Variants in EPS15 observed in about 807,000 individuals in gnomAD.
The protein encoded by EPS15 is epidermal growth factor receptor substrate 15.
A neutral mutation model predicts 113.8 loss-of-function variants in EPS15; 72 were observed. The observed-to-expected ratio is 0.63, with a 90% CI of 0.52 to 0.77. The LOEUF is 0.77. EPS15 is among the 30% of genes least tolerant of loss of function. EPS15 has a pLI of 0.00. For synonymous variants in EPS15, 344 were observed against 363.4 expected, an observed-to-expected ratio of 0.95 and a Z score of 0.61; for missense variants, 1,048 against 1,045.8, an observed-to-expected ratio of 1.00 and a Z score of -0.03.
intron 1 of EPS15, among the ~76,000 whole-genome samples, chr1:51,492,198 A>C (rs940020351): frequency 3.3e-5 from 5 of 152,084 alleles, no homozygotes; most frequent in African/African-American, 1.2e-4. Context: ...TAGGTACAAG[A>C]CAATAGGTTA....
Position 51,466,863 on chromosome 1 carries a change from CT to C in EPS15, c.310-1538del, listed in dbSNP as rs375473199. On this transcript the variant is annotated intron_variant, in intron 5 of 24. Coordinates refer to ENST00000371733, the MANE Select transcript of EPS15 (RefSeq NM_001981.3). ...TTGGCAACATAGCAAGATTCTGTCT[CT>C]TCAAAAAAAATAAGACAAATGACAA... is the stretch of plus-strand genomic sequence containing the variant. 9.7e-4 allele frequency among the ~76,000 whole-genome samples: 147 copies of C among 151,842 alleles called. 5 individuals carry two copies. In the South Asian group the frequency reaches 0.03, roughly 31 times the overall value.
At chr1:51,508,266 G>GAGAAAGAAAGAGAGAA (rs1553139491) in intron 1 of EPS15, among the ~76,000 whole-genome samples, 2 of 129,022 alleles carry the variant, frequency 1.6e-5, no homozygotes, top group African/African-American at 6.6e-5. Context: ...GAGAGAGAGA[G>GAGAAAGAAAGAGAGAA]AGAGAGAAAG....
chr1:51,417,704 T>C (rs760710488), intron 13 of EPS15, among the ~76,000 whole-genome samples: 1 of 152,202 alleles, frequency 6.6e-6, no homozygotes, highest in Non-Finnish European at 1.5e-5. Context: ...CGGTGGGATA[T>C]GAGCTAGGCT....
chr1:51,362,405 T>C (rs1306737014), intron 23 of EPS15, among the ~76,000 whole-genome samples: 2 of 152,188 alleles, frequency 1.3e-5, no homozygotes, highest in African/African-American at 4.8e-5. Context: ...TCCTTAATCT[T>C]TTTACAATGA....
At chr1:51,369,359 G>C (rs772751403) in intron 21 of EPS15, among the ~76,000 whole-genome samples, 2 of 152,164 alleles carry the variant, frequency 1.3e-5, no homozygotes, top group East Asian at 1.9e-4. Context: ...CAGATCACGC[G>C]TAAGATACCT....
chr1:51,372,620 T>A, intron 21 of EPS15: 2 of 488,910 alleles, frequency 4.1e-6, no homozygotes, highest in Non-Finnish European at 8.1e-6. Flanking sequence ...TAACTCAGTA[T>A]TGGTATTACT....
At position 51,463,637 on chromosome 1, in the gene EPS15, C is replaced by T. The variant is rs1262226685; in HGVS notation, c.501+36G>A. 3.8e-6 allele frequency: 5 copies of T among 1,305,442 alleles called. No individual in the cohort carries two copies. In the African/African-American group the frequency reaches 5.9e-5, roughly 15 times the overall value. The allele number at this position is 1,305,442 out of a possible 1,614,324, so 80.9% of individuals were successfully genotyped here. On this transcript the variant is annotated intron_variant, in intron 7 of 24. Transcript: ENST00000371733. ...GCATAATAGATATAAAATTAAAATA[C>T]ATAAAAATTACATTTCGGAGTAAAT...
intron 13 of EPS15, among the ~76,000 whole-genome samples, chr1:51,415,223 G>A (rs900361386): frequency 6.6e-6 from 1 of 152,088 alleles, no homozygotes; most frequent in Non-Finnish European, 1.5e-5. Context: ...TATGTAAGAG[G>A]AAGACAAATA....
At chr1:51,509,443 T>C (rs912217385) in intron 1 of EPS15, among the ~76,000 whole-genome samples, 3 of 152,108 alleles carry the variant, frequency 2.0e-5, no homozygotes, top group Non-Finnish European at 2.9e-5. Context: ...GAGCCCAAGA[T>C]CTCTCTCATT....
At chr1:51,509,927 AAT>A (rs1335002804) in intron 1 of EPS15, among the ~76,000 whole-genome samples, 1 of 152,218 alleles carries the variant, frequency 6.6e-6, no homozygotes, top group Non-Finnish European at 1.5e-5. Flanking sequence ...TCATTCAATC[AAT>A]ATCCGAGTTG....
intron 13 of EPS15, among the ~76,000 whole-genome samples, chr1:51,410,779 G>A (rs1465162971): frequency 6.6e-6 from 1 of 152,190 alleles, no homozygotes; most frequent in Non-Finnish European, 1.5e-5. Context: ...GAAACTTACA[G>A]GTAAAAGGTC....
intron 1 of EPS15, among the ~76,000 whole-genome samples, chr1:51,512,971 G>C (rs575484226): frequency 1.3e-5 from 2 of 151,444 alleles, no homozygotes; most frequent in African/African-American, 4.9e-5. Context: ...TAGGACTACG[G>C]GCACACACCA....
At chr1:51,374,064 C>T (rs964352283) in intron 21 of EPS15, among the ~76,000 whole-genome samples, 11 of 152,182 alleles carry the variant, frequency 7.2e-5, no homozygotes, top group Non-Finnish European at 1.5e-4. Context: ...TACATGAACA[C>T]ATATACGTTT....
intron 21 of EPS15, among the ~76,000 whole-genome samples, chr1:51,393,616 G>C (rs935816071): frequency 6.6e-6 from 1 of 152,106 alleles, no homozygotes. Context: ...AAAATAAAGC[G>C]ATCTATTTTC....
intron 1 of EPS15, among the ~76,000 whole-genome samples, chr1:51,499,641 G>A (rs1570434856): frequency 6.6e-6 from 1 of 151,738 alleles, no homozygotes; most frequent in East Asian, 1.9e-4. Context: ...CCACCCTAAT[G>A]GGTATGAAAT....
At chr1:51,483,345 TTA>T (rs1308993737) in intron 1 of EPS15, among the ~76,000 whole-genome samples, 1 of 151,906 alleles carries the variant, frequency 6.6e-6, no homozygotes, top group Non-Finnish European at 1.5e-5. Context: ...AAATTAAACT[TTA>T]TCACAGGTAT....
intron 1 of EPS15, among the ~76,000 whole-genome samples, chr1:51,497,148 T>C (rs944090294): frequency 5.3e-5 from 8 of 152,236 alleles, no homozygotes; most frequent in African/African-American, 1.7e-4. Flanking sequence ...TTCAACTTCA[T>C]GTAGTTCTAC....
intron 23 of EPS15, among the ~76,000 whole-genome samples, chr1:51,362,066 C>G (rs1053881882): frequency 2.6e-5 from 4 of 151,626 alleles, no homozygotes; most frequent in Non-Finnish European, 3.0e-5. Context: ...CTTACTTAAA[C>G]TTAGTACTTC....
At chr1:51,405,831 T>C in intron 16 of EPS15, 74 bp downstream of exon 16, 1 of 1,223,880 alleles carries the variant, frequency 8.2e-7, no homozygotes, top group Non-Finnish European at 1.2e-6. Context: ...GTATTTATAT[T>C]AGATATAATG....
Sources: gnomAD v4.1 joint callset for allele counts (sites outside exome capture counted in the v4.1 genomes callset) on GRCh38, gnomAD v4.1.1 for gene constraint, MANE v1.5 for transcripts, NCBI Gene and HGNC (gene_info 2026-07-23, HGNC 2026-07-21) for gene names.